The following ASIC2 variants were observed in gnomAD, a reference collection of about 807,000 sequenced individuals.
The protein encoded by ASIC2 is acid sensing ion channel subunit 2.
ASIC2 carries 25 observed loss-of-function variants against 57.3 expected under a neutral mutation model. The observed-to-expected ratio is 0.44, with a 90% CI of 0.32 to 0.61. ASIC2 has a LOEUF of 0.61. ASIC2 is among the 20% of genes least tolerant of loss of function. The pLI, the probability that ASIC2 is intolerant of heterozygous loss-of-function variation, is 0.06. For synonymous variants in ASIC2, 319 were observed against 307.5 expected, an observed-to-expected ratio of 1.04 and a Z score of -0.39; for missense variants, 641 against 738.1, an observed-to-expected ratio of 0.87 and a Z score of 1.52.
intron 1 of ASIC2, among the ~76,000 whole-genome samples, chr17:33,923,474 A>T (rs1226981636): frequency 6.6e-6 from 1 of 152,190 alleles, no homozygotes; most frequent in East Asian, 1.9e-4. Context: ...CAAGGAAGAG[A>T]CCACAAGGAA....
intron 1 of ASIC2, among the ~76,000 whole-genome samples, chr17:33,728,727 A>G (rs552672558): frequency 6.6e-6 from 1 of 152,296 alleles, no homozygotes; most frequent in Admixed American, 6.5e-5. Flanking sequence ...AGAGATGTGA[A>G]TTATGGGAGG....
rs544856685 is a variant in ASIC2 at position 33,130,236 on chromosome 17, C to CA, written c.709-18170dup. Among the ~76,000 whole-genome samples the CA allele has an allele frequency of 2.0e-5, 3 of 152,052 alleles. No individual in the cohort carries two copies. The East Asian group carries it at 5.8e-4, about 29-fold the overall frequency. On this transcript the variant is annotated intron_variant, in intron 1 of 9. Coordinates refer to ENST00000225823, the MANE Select transcript of ASIC2 (RefSeq NM_183377.2). Reference sequence around the variant, plus strand: ...CAATGTACATGAATTTTTGCAACAACAAAAAAGCGACGTTAAATTCTCCTC... The same window carrying CA: ...CAATGTACATGAATTTTTGCAACAACAAAAAAAGCGACGTTAAATTCTCCTC...
intron 1 of ASIC2, among the ~76,000 whole-genome samples, chr17:33,886,614 A>G (rs973205130): frequency 1.3e-5 from 2 of 152,186 alleles, no homozygotes; most frequent in Non-Finnish European, 2.9e-5. Flanking sequence ...TAGTAAGATA[A>G]CATAGAAAAA....
intron 2 of ASIC2, among the ~76,000 whole-genome samples, chr17:33,090,732 A>G (rs570191973): frequency 6.5e-4 from 99 of 152,224 alleles, no homozygotes; most frequent in African/African-American, 2.3e-3. Context: ...GGCATGACCC[A>G]TGGAAAGTGT....
intron 1 of ASIC2, among the ~76,000 whole-genome samples, chr17:34,050,172 G>T (rs959748415): frequency 2.6e-5 from 4 of 152,174 alleles, no homozygotes; most frequent in Non-Finnish European, 5.9e-5. Context: ...AGAAAACAGA[G>T]AAAATATAAC....
intron 1 of ASIC2, among the ~76,000 whole-genome samples, chr17:33,947,228 C>T (rs1904407062): frequency 6.6e-6 from 1 of 152,220 alleles, no homozygotes; most frequent in African/African-American, 2.4e-5. Flanking sequence ...ATCTTTGCCA[C>T]TCCAGACTGT....
chr17:33,351,374 G>C (rs1157784812), intron 1 of ASIC2, among the ~76,000 whole-genome samples: 1 of 152,124 alleles, frequency 6.6e-6, no homozygotes, highest in African/African-American at 2.4e-5. Context: ...GCTGGCCTTA[G>C]GCCAGACGTT....
intron 1 of ASIC2, among the ~76,000 whole-genome samples, chr17:33,444,775 C>A (rs1324945272): frequency 1.3e-5 from 2 of 152,328 alleles, no homozygotes; most frequent in East Asian, 3.9e-4. Context: ...TCACAGCTCA[C>A]CCCTAGCTGC....
At chr17:33,690,315 T>C (rs756575998) in intron 1 of ASIC2, among the ~76,000 whole-genome samples, 14 of 152,242 alleles carry the variant, frequency 9.2e-5, no homozygotes, top group Non-Finnish European at 1.9e-4. Flanking sequence ...CTTTGCTCCC[T>C]ATGGCACCAG....
At chr17:33,284,168 T>G (rs926519547) in intron 1 of ASIC2, among the ~76,000 whole-genome samples, 2 of 152,212 alleles carry the variant, frequency 1.3e-5, no homozygotes, top group African/African-American at 4.8e-5. Context: ...ATATTTGACA[T>G]GCTCAGAACA....
intron 1 of ASIC2, among the ~76,000 whole-genome samples, chr17:33,278,141 C>G (rs1454732993): frequency 6.6e-6 from 1 of 151,942 alleles, no homozygotes; most frequent in Non-Finnish European, 1.5e-5. Context: ...AGAATCGATC[C>G]TCCCCTGCTC....
intron 1 of ASIC2, among the ~76,000 whole-genome samples, chr17:33,283,244 G>A (rs11651022): frequency 0.29 from 44,839 of 152,056 alleles, 6,728 homozygotes; most frequent in Middle Eastern, 0.37. Flanking sequence ...CCAATGAATC[G>A]GTATGGCTGA....
chr17:33,619,317 G>A (rs1251559876), intron 1 of ASIC2, among the ~76,000 whole-genome samples: 3 of 151,966 alleles, frequency 2.0e-5, no homozygotes, highest in African/African-American at 4.8e-5. Flanking sequence ...AACATATGAA[G>A]AGCTTCTTCT....
At chr17:33,899,942 G>C (rs1372961307) in intron 1 of ASIC2, among the ~76,000 whole-genome samples, 2 of 152,190 alleles carry the variant, frequency 1.3e-5, no homozygotes, top group African/African-American at 4.8e-5. Context: ...AGCCCTGATA[G>C]GTGATTGAAT....
intron 1 of ASIC2, among the ~76,000 whole-genome samples, chr17:33,702,531 A>T (rs1908734595): frequency 6.6e-6 from 1 of 152,118 alleles, no homozygotes; most frequent in African/African-American, 2.4e-5. Context: ...CAGCCAACAC[A>T]CACCATTACA....
At chr17:33,127,922 C>T (rs2092330329) in intron 1 of ASIC2, among the ~76,000 whole-genome samples, 1 of 152,214 alleles carries the variant, frequency 6.6e-6, no homozygotes, top group Non-Finnish European at 1.5e-5. Flanking sequence ...GACCTGGGCC[C>T]CACCCAATTC....
At chr17:33,407,826 A>C (rs1364989383) in intron 1 of ASIC2, among the ~76,000 whole-genome samples, 1 of 152,236 alleles carries the variant, frequency 6.6e-6, no homozygotes, top group Non-Finnish European at 1.5e-5. Context: ...GCTTGGTAGC[A>C]ACCCTATAGT....
chr17:33,017,463 A>G, intron 8 of ASIC2, 142 bp downstream of exon 8: 1 of 675,392 alleles, frequency 1.5e-6, no homozygotes, highest in Non-Finnish European at 2.4e-6. Flanking sequence ...GGCTTCAGTG[A>G]TCGACTCTAT....
At chr17:33,669,865 C>T (rs1907590678) in intron 1 of ASIC2, among the ~76,000 whole-genome samples, 1 of 152,142 alleles carries the variant, frequency 6.6e-6, no homozygotes, top group South Asian at 2.1e-4. Context: ...TTATCAGGCA[C>T]CCATAAGACA....
Sources: gnomAD v4.1 joint callset for allele counts (sites outside exome capture counted in the v4.1 genomes callset) on GRCh38, gnomAD v4.1.1 for gene constraint, MANE v1.5 for transcripts, NCBI Gene and HGNC (gene_info 2026-07-23, HGNC 2026-07-21) for gene names.